Variants in RBKS observed in about 807,000 individuals in gnomAD.
RBKS encodes ribokinase.
Under a neutral mutation model 33.9 loss-of-function variants are expected in RBKS, and 33 were observed. The observed-to-expected ratio is 0.97, with a 90% CI of 0.74 to 1.30. The LOEUF (loss-of-function observed/expected upper bound fraction) is 1.30, where lower values mean the gene tolerates loss of function less well. Ranked by LOEUF, RBKS falls within the 50% of genes most tolerant of loss-of-function variation. The pLI is 0.00. For synonymous variants in RBKS, 125 were observed against 143.0 expected (o/e 0.87, Z 0.90); for missense variants, 361 against 392.6 (o/e 0.92, Z 0.68).
At chr2:27,804,697 A>G (rs1215506334) in intron 7 of RBKS, among the ~76,000 whole-genome samples, 1 of 152,208 alleles carries the variant, frequency 6.6e-6, no homozygotes. Context: ...AGTGTTCATT[A>G]AAGAGTTTGT....
intron 5 of RBKS, among the ~76,000 whole-genome samples, chr2:27,835,276 C>G (rs987986832): frequency 4.3e-5 from 5 of 115,772 alleles, no homozygotes; most frequent in Non-Finnish European, 9.6e-5. Context: ...AACTCTGTCT[C>G]AAAAAAAAAA....
At chr2:27,880,835 T>C (rs1664403524) in intron 1 of RBKS, among the ~76,000 whole-genome samples, 1 of 152,140 alleles carries the variant, frequency 6.6e-6, no homozygotes, top group Non-Finnish European at 1.5e-5. Flanking sequence ...AAAATGGCCA[T>C]ATTGCCCAAA....
At chr2:27,797,638 C>T (rs539825781) in intron 7 of RBKS, among the ~76,000 whole-genome samples, 1 of 152,278 alleles carries the variant, frequency 6.6e-6, no homozygotes, top group South Asian at 2.1e-4. Context: ...CATGAAGCTC[C>T]AGTGAGGCTC....
intron 1 of RBKS, among the ~76,000 whole-genome samples, chr2:27,887,467 T>C (rs1377901417): frequency 6.6e-6 from 1 of 152,200 alleles, no homozygotes; most frequent in Non-Finnish European, 1.5e-5. Flanking sequence ...ACTAATATAA[T>C]CATGATACTA....
intron 5 of RBKS, 80 bp downstream of exon 5, chr2:27,842,987 T>C (rs971875319): frequency 2.8e-6 from 3 of 1,074,428 alleles, no homozygotes; most frequent in Non-Finnish European, 3.9e-6. Context: ...GAGTATTGCT[T>C]TGCTTAACTT....
chr2:27,886,698 A>G (rs1022897509), intron 1 of RBKS, among the ~76,000 whole-genome samples: 4 of 152,138 alleles, frequency 2.6e-5, no homozygotes, highest in African/African-American at 9.7e-5. Flanking sequence ...ATATAGCGAG[A>G]GCCCATCTTT....
At chr2:27,791,202 T>C (rs1677514531) in intron 7 of RBKS, among the ~76,000 whole-genome samples, 1 of 152,204 alleles carries the variant, frequency 6.6e-6, no homozygotes, top group Non-Finnish European at 1.5e-5. Flanking sequence ...AGTTTTGTGA[T>C]GGTGAATTTT....
At chr2:27,792,977 T>C (rs1037461311) in intron 7 of RBKS, among the ~76,000 whole-genome samples, 4 of 152,160 alleles carry the variant, frequency 2.6e-5, no homozygotes, top group African/African-American at 7.2e-5. Flanking sequence ...GAGTGGAGCA[T>C]AGATTAAATG....
chr2:27,840,850 C>T (rs1022397957), intron 5 of RBKS, among the ~76,000 whole-genome samples: 1 of 152,108 alleles, frequency 6.6e-6, no homozygotes, highest in African/African-American at 2.4e-5. Flanking sequence ...GTCTTCTCAC[C>T]TTTAATCTGA....
Position 27,781,649 on chromosome 2 carries a change from G to A in RBKS, c.935C>T (p.Pro312Leu). Reference sequence around the variant, plus strand: ...AGTAAGCGGAAGGTCTTTTTTGTAAGGGTAAGATGACTGTGTTCCTGCAGC... The same window carrying A: ...AGTAAGCGGAAGGTCTTTTTTGTAAAGGTAAGATGACTGTGTTCCTGCAGC... ...VQAAGTQSSY[P>L]YKKDLPLTLF The change falls in exon 8 of 8, where the codon CCT (proline) becomes CTT (leucine). Residue 312 changes from proline (P) to leucine (L), a missense_variant. Physicochemically the swap from Pro to Leu is moderately conservative, Grantham distance 98 (BLOSUM62 -3). Transcript: ENST00000302188. 1 of 1,612,940 alleles carries A rather than the reference G, an allele frequency of 6.2e-7. No individual in the cohort carries two copies. Among genetic ancestry groups the A allele is most frequent in the African/African-American group, 1.3e-5 (1 of 74,928 alleles).
At chr2:27,808,446 T>C (rs199632436) in intron 7 of RBKS, among the ~76,000 whole-genome samples, 1 of 152,192 alleles carries the variant, frequency 6.6e-6, no homozygotes, top group East Asian at 1.9e-4. Context: ...ACAAAAGAAA[T>C]CCCCTGCCTG....
intron 7 of RBKS, among the ~76,000 whole-genome samples, chr2:27,802,921 T>C (rs968039042): frequency 6.6e-6 from 1 of 152,194 alleles, no homozygotes; most frequent in Non-Finnish European, 1.5e-5. Flanking sequence ...AACATGCCAT[T>C]AGGCACAGTG....
chr2:27,782,768 A>T, intron 7 of RBKS: 1 of 307,442 alleles, frequency 3.3e-6, no homozygotes, highest in Non-Finnish European at 7.2e-6. Context: ...TTGTTTCTTT[A>T]ATTTTAATTT....
chr2:27,789,722 G>A (rs1449697457), intron 7 of RBKS, among the ~76,000 whole-genome samples: 3 of 151,406 alleles, frequency 2.0e-5, no homozygotes, highest in South Asian at 2.1e-4. Context: ...CTGCCACCAC[G>A]CCTGGCTAAT....
Position 27,792,181 on chromosome 2 carries a change from T to C in RBKS, c.796-10393A>G, listed in dbSNP as rs144074918. ...GCATATGGGAAGTTACTTGTCCTTA[T>C]ATTGAGAGCTCCAATTCCACCTCTG... On this transcript the variant is annotated intron_variant, in intron 7 of 7. Coordinates refer to ENST00000302188, the MANE Select transcript of RBKS (RefSeq NM_022128.3). Among the ~76,000 whole-genome samples the C allele has an allele frequency of 6.1e-3, 928 of 152,364 alleles. 5 individuals are homozygous for C. The highest frequency in any genetic ancestry group is 7.4e-3 in the Non-Finnish European group (504 of 68,026).
intron 7 of RBKS, among the ~76,000 whole-genome samples, chr2:27,812,837 C>A (rs1274195296): frequency 6.6e-6 from 1 of 150,958 alleles, no homozygotes; most frequent in Admixed American, 6.6e-5. Context: ...GCACATGTAA[C>A]CTAGAACTTA....
chr2:27,801,304 G>T (rs1164207972), intron 7 of RBKS, among the ~76,000 whole-genome samples: 1 of 152,140 alleles, frequency 6.6e-6, no homozygotes, highest in East Asian at 1.9e-4. Context: ...TCGCCACTCA[G>T]AGTGAACAGA....
intron 5 of RBKS, among the ~76,000 whole-genome samples, chr2:27,838,237 T>C (rs906555795): frequency 1.3e-5 from 2 of 151,982 alleles, no homozygotes; most frequent in Non-Finnish European, 2.9e-5. Flanking sequence ...AGTCTGCACA[T>C]GTACCCCCGT....
intron 7 of RBKS, among the ~76,000 whole-genome samples, chr2:27,825,124 G>T (rs1017462665): frequency 3.4e-5 from 5 of 145,870 alleles, no homozygotes; most frequent in Non-Finnish European, 7.4e-5. Flanking sequence ...GCAACAGAGT[G>T]AGAACCTGTC....
Sources: allele counts gnomAD v4.1 joint callset (sites outside exome capture counted in the v4.1 genomes callset), GRCh38; gene constraint gnomAD v4.1.1; transcripts MANE v1.5; gene names NCBI Gene and HGNC (gene_info 2026-07-23, HGNC 2026-07-21).